CNTNAP2: variants seen among roughly 807,000 people sequenced by gnomAD.
CNTNAP2 encodes contactin associated protein 2.
In CNTNAP2, 98 loss-of-function variants were observed where a neutral mutation model predicts 155.2. That is an observed-to-expected ratio of 0.63 (90% CI 0.54 to 0.75). The LOEUF (loss-of-function observed/expected upper bound fraction) is 0.75. Among genes scored for constraint, CNTNAP2 ranks in the 30% least tolerant of loss-of-function variants. The pLI, the probability that CNTNAP2 is intolerant of heterozygous loss-of-function variation, is 0.00. For synonymous variants in CNTNAP2, 651 were observed against 631.2 expected (o/e 1.03, Z -0.47); for missense variants, 1,727 against 1,688.1 (o/e 1.02, Z -0.40).
At chr7:146,302,660 G>A (rs10279395) in intron 1 of CNTNAP2, among the ~76,000 whole-genome samples, 13,007 of 152,106 alleles carry the variant, frequency 0.086, 1,576 homozygotes, top group African/African-American at 0.27. Context: ...TAAACAGCAC[G>A]GCATATGGCC....
intron 1 of CNTNAP2, among the ~76,000 whole-genome samples, chr7:146,712,261 ACATATCTTAT>A (rs1801101333): frequency 7.3e-6 from 1 of 136,078 alleles, no homozygotes; most frequent in African/African-American, 2.7e-5. Context: ...AAATATGTAT[ACATATCTTAT>A]GTATACATAT....
chr7:146,499,700 C>T (rs76298579), intron 1 of CNTNAP2, among the ~76,000 whole-genome samples: 12,948 of 151,864 alleles, frequency 0.085, 1,465 homozygotes, highest in African/African-American at 0.26. Flanking sequence ...TGTTTGGTTA[C>T]CTGTTCCTGT....
chr7:146,591,529 T>C (rs1184675887), intron 1 of CNTNAP2, among the ~76,000 whole-genome samples: 2 of 150,610 alleles, frequency 1.3e-5, no homozygotes, highest in Non-Finnish European at 3.0e-5. Flanking sequence ...CTTATTCAGC[T>C]GCCATATATG....
intron 12 of CNTNAP2, among the ~76,000 whole-genome samples, chr7:147,629,731 T>C (rs1041379678): frequency 5.9e-5 from 9 of 152,180 alleles, no homozygotes; most frequent in African/African-American, 1.9e-4. Context: ...TTAATGATCA[T>C]TGAGTCAACA....
intron 11 of CNTNAP2, among the ~76,000 whole-genome samples, chr7:147,506,747 T>C (rs1160620741): frequency 1.3e-5 from 2 of 152,222 alleles, no homozygotes; most frequent in African/African-American, 4.8e-5. Context: ...GCCACTAACA[T>C]CTACCCACTG....
At chr7:146,840,408 C>T (rs915349425) in intron 3 of CNTNAP2, among the ~76,000 whole-genome samples, 1 of 152,038 alleles carries the variant, frequency 6.6e-6, no homozygotes, top group South Asian at 2.1e-4. Flanking sequence ...TAAAGCTTAA[C>T]CCATTTGTTC....
chr7:147,762,155 T>TCACACACA (rs72526174), intron 13 of CNTNAP2, among the ~76,000 whole-genome samples: 25,346 of 144,204 alleles, frequency 0.18, 2,500 homozygotes, highest in Middle Eastern at 0.3. Context: ...TCTCTCTGTC[T>TCACACACA]CACACACACA....
intron 2 of CNTNAP2, among the ~76,000 whole-genome samples, chr7:146,828,257 G>C (rs906906144): frequency 6.6e-6 from 1 of 151,962 alleles, no homozygotes; most frequent in Admixed American, 6.6e-5. Context: ...ATAACATGGT[G>C]TAAATAAATG....
At chr7:147,425,877 A>G (rs1031932889) in intron 10 of CNTNAP2, among the ~76,000 whole-genome samples, 11 of 152,100 alleles carry the variant, frequency 7.2e-5, no homozygotes, top group African/African-American at 2.7e-4. Context: ...TGCATACTTC[A>G]TTTATTCTAA....
intron 1 of CNTNAP2, among the ~76,000 whole-genome samples, chr7:146,655,206 A>T (rs1267918104): frequency 1.3e-5 from 2 of 151,938 alleles, no homozygotes; most frequent in Non-Finnish European, 2.9e-5. Flanking sequence ...TGAGGTCAGG[A>T]GTTCAAGACC....
intron 21 of CNTNAP2, among the ~76,000 whole-genome samples, chr7:148,304,565 C>T (rs1464892869): frequency 6.6e-6 from 1 of 152,194 alleles, no homozygotes; most frequent in Non-Finnish European, 1.5e-5. Context: ...GTTGCAGTTA[C>T]TCACCTCTGC....
At chr7:147,253,523 A>G (rs989975164) in intron 8 of CNTNAP2, among the ~76,000 whole-genome samples, 9 of 152,136 alleles carry the variant, frequency 5.9e-5, no homozygotes, top group African/African-American at 2.2e-4. Flanking sequence ...ATGAGGATGA[A>G]AGGATCCACA....
At chr7:147,446,532 G>C (rs1309726495) in intron 10 of CNTNAP2, among the ~76,000 whole-genome samples, 3 of 152,100 alleles carry the variant, frequency 2.0e-5, no homozygotes, top group Admixed American at 2.0e-4. Flanking sequence ...GAAGACCTGA[G>C]ACCCATATCC....
intron 3 of CNTNAP2, among the ~76,000 whole-genome samples, chr7:146,918,508 C>T (rs1408588654): frequency 2.6e-5 from 4 of 152,152 alleles, no homozygotes; most frequent in Non-Finnish European, 5.9e-5. Flanking sequence ...AGATAGGACT[C>T]CAGTCCCTTC....
intron 22 of CNTNAP2, among the ~76,000 whole-genome samples, chr7:148,385,266 G>A (rs938732461): frequency 1.3e-5 from 2 of 152,210 alleles, no homozygotes; most frequent in Non-Finnish European, 2.9e-5. Context: ...AACTTGACGC[G>A]GGGCGCTGTG....
chr7:146,912,503 G>C (rs568066673), intron 3 of CNTNAP2, among the ~76,000 whole-genome samples: 50 of 151,996 alleles, frequency 3.3e-4, no homozygotes, highest in African/African-American at 1.1e-3. Flanking sequence ...AGGGCCTCAG[G>C]GTAACAATGT....
intron 13 of CNTNAP2, among the ~76,000 whole-genome samples, chr7:147,798,622 C>A (rs1235607132): frequency 1.3e-5 from 2 of 152,118 alleles, no homozygotes; most frequent in Non-Finnish European, 2.9e-5. Context: ...AGTAAGAAAA[C>A]CAAACCTTTC....
intron 13 of CNTNAP2, among the ~76,000 whole-genome samples, chr7:147,822,815 G>A (rs2192321): frequency 0.011 from 1,695 of 152,244 alleles, 95 homozygotes; most frequent in Admixed American, 0.091. Flanking sequence ...TATGGCTGCC[G>A]TTTAAGGTGT....
At chr7:146,424,798 A>T (rs1639516) in intron 1 of CNTNAP2, among the ~76,000 whole-genome samples, 64,373 of 151,908 alleles carry the variant, frequency 0.42, 16,596 homozygotes, top group African/African-American at 0.72. Flanking sequence ...CAGAAAAGAG[A>T]TTAAGGGAAG....
Sources: allele counts gnomAD v4.1 joint callset (sites outside exome capture counted in the v4.1 genomes callset), GRCh38; gene constraint gnomAD v4.1.1; transcripts MANE v1.5; gene names NCBI Gene and HGNC (gene_info 2026-07-23, HGNC 2026-07-21).